FARS2: variants seen among roughly 807,000 people sequenced by gnomAD.
The protein encoded by FARS2 is phenylalanine--tRNA ligase, mitochondrial.
FARS2 carries 40 observed loss-of-function variants against 46.4 expected under a neutral mutation model. The ratio of observed to expected loss-of-function variants is 0.86; its 90% CI spans 0.67 to 1.12. The LOEUF is 1.12. Ranked by LOEUF, FARS2 falls within the 50% of genes most tolerant of loss-of-function variation. FARS2 has a pLI of 0.00. For synonymous variants in FARS2, 234 were observed against 214.9 expected, an observed-to-expected ratio of 1.09 and a Z score of -0.78; for missense variants, 513 against 567.9, an observed-to-expected ratio of 0.90 and a Z score of 0.98.
rs1762633139 is a variant in FARS2, at chr6:5,764,145, A to G, written c.1218-7146A>G. On this transcript the variant is annotated intron_variant, in intron 6 of 6. Transcript: ENST00000274680. This position sits in a 1 kb window ranked among gnomAD's most constrained non-coding sequence, Gnocchi z 4.1. The stretch of plus-strand genomic sequence containing the variant: ...ACACGCCCCCTCATTCAGTCCTCAC[A>G]AACCCTGGAAAGCAAGTTTTGTTCG... 6.6e-6 allele frequency among the ~76,000 whole-genome samples: 1 copy of G among 152,140 alleles called. No individual in the cohort carries two copies. The highest frequency in any genetic ancestry group is 6.5e-5 in the Admixed American group (1 of 15,286).
At chr6:5,738,169 C>G (rs1366251614) in intron 6 of FARS2, among the ~76,000 whole-genome samples, 1 of 152,174 alleles carries the variant, frequency 6.6e-6, no homozygotes, top group Admixed American at 6.5e-5. Flanking sequence ...CCAAGCTGGT[C>G]TCAAACTCCA....
upstream of FARS2, chr6:5,260,582 C>T (rs1299587042): frequency 1.4e-6 from 2 of 1,392,794 alleles, no homozygotes; most frequent in Non-Finnish European, 1.9e-6. Context: ...TATTCCGCGT[C>T]AGCCCGCACC....
chr6:5,365,480 C>T (rs1758608103), intron 1 of FARS2, among the ~76,000 whole-genome samples: 3 of 148,842 alleles, frequency 2.0e-5, no homozygotes, highest in African/African-American at 2.5e-5. Flanking sequence ...CAGGTGTGTG[C>T]CACCATACCC....
rs538744186 is a variant in FARS2 at position 5,277,314 on chromosome 6, T to A, written c.-22+15654T>A. Among the ~76,000 whole-genome samples, 6 of 152,204 alleles carry A rather than the reference T, an allele frequency of 3.9e-5. No homozygotes were observed. The East Asian group carries it at 1.2e-3, about 29-fold the overall frequency. On this transcript the variant is annotated intron_variant, in intron 1 of 6. Transcript: ENST00000274680. Reference sequence around the variant, plus strand: ...CATTAAATAAAGTAGCAGCTTAGAATGGCAAAATGGTTGGTTTTTTAAACA... The same window carrying A: ...CATTAAATAAAGTAGCAGCTTAGAAAGGCAAAATGGTTGGTTTTTTAAACA...
chr6:5,300,653 G>T (rs1311349882), intron 1 of FARS2, among the ~76,000 whole-genome samples: 4 of 151,856 alleles, frequency 2.6e-5, no homozygotes. Flanking sequence ...TGGGCATCTG[G>T]TCATTTCCTT....
At chr6:5,668,491 T>C (rs1045739996) in intron 6 of FARS2, among the ~76,000 whole-genome samples, 6 of 152,228 alleles carry the variant, frequency 3.9e-5, no homozygotes, top group Non-Finnish European at 7.3e-5. Context: ...AGTGAATTCC[T>C]GAACTTCATT....
chr6:5,735,070 A>G (rs775148462), intron 6 of FARS2, among the ~76,000 whole-genome samples: 5 of 152,238 alleles, frequency 3.3e-5, no homozygotes, highest in Non-Finnish European at 5.9e-5. Context: ...AATGCAAAAC[A>G]GTATTATTAG....
At chr6:5,260,889 T>A (rs1031817287), upstream of FARS2, 3 of 1,402,788 alleles carry the variant, frequency 2.1e-6, no homozygotes, top group South Asian at 4.6e-5. Flanking sequence ...CGGGCAGCCC[T>A]GCGGATCGCG....
intron 4 of FARS2, chr6:5,431,670 C>T (rs201353025): frequency 4.5e-5 from 24 of 532,916 alleles, no homozygotes; most frequent in Middle Eastern, 3.2e-4. Flanking sequence ...TCTGCATAGG[C>T]GGCGCCACCT....
At chr6:5,723,347 T>C (rs899110169) in intron 6 of FARS2, among the ~76,000 whole-genome samples, 6 of 152,038 alleles carry the variant, frequency 3.9e-5, no homozygotes, top group African/African-American at 7.3e-5. Flanking sequence ...ATTGCAAATA[T>C]CAAGTGTAGT....
At chr6:5,718,336 G>A (rs1392270980) in intron 6 of FARS2, among the ~76,000 whole-genome samples, 1 of 152,204 alleles carries the variant, frequency 6.6e-6, no homozygotes, top group Non-Finnish European at 1.5e-5. Flanking sequence ...CTAGTTCTCA[G>A]TGCCCACCCA....
At chr6:5,431,924 G>T (rs966128426) in intron 4 of FARS2, 19 of 188,134 alleles carry the variant, frequency 1.0e-4, no homozygotes, top group Non-Finnish European at 1.6e-4. Context: ...TTTTTTTTAA[G>T]TCACTATCTG....
intron 6 of FARS2, among the ~76,000 whole-genome samples, chr6:5,688,448 A>G (rs1267053368): frequency 6.6e-6 from 1 of 152,176 alleles, no homozygotes; most frequent in African/African-American, 2.4e-5. Context: ...TTCTGCATCT[A>G]TTGAGATAAT....
At chr6:5,610,228 T>A in intron 5 of FARS2, 1 of 545,202 alleles carries the variant, frequency 1.8e-6, no homozygotes, top group Non-Finnish European at 3.3e-6. Flanking sequence ...ACTTTAATGA[T>A]GTTTTTTCAG....
intron 1 of FARS2, among the ~76,000 whole-genome samples, chr6:5,262,573 C>T (rs1581634980): frequency 6.6e-6 from 1 of 152,130 alleles, no homozygotes; most frequent in Non-Finnish European, 1.5e-5. Context: ...GTCATCACGC[C>T]CAGCCTCTAT....
At chr6:5,512,957 G>C (rs116461505) in intron 4 of FARS2, among the ~76,000 whole-genome samples, 5 of 152,110 alleles carry the variant, frequency 3.3e-5, no homozygotes, top group Non-Finnish European at 7.3e-5. Flanking sequence ...TGGGGACCCT[G>C]GATAGGTTTG....
At chr6:5,389,031 C>T (rs2127685301) in intron 2 of FARS2, among the ~76,000 whole-genome samples, 1 of 152,240 alleles carries the variant, frequency 6.6e-6, no homozygotes, top group East Asian at 1.9e-4. Context: ...CCCTCACATC[C>T]ACAGATGTCA....
At chr6:5,521,371 GA>G (rs71657436) in intron 4 of FARS2, among the ~76,000 whole-genome samples, 17,940 of 123,992 alleles carry the variant, frequency 0.14, 1,112 homozygotes, top group East Asian at 0.24. Context: ...TTTCTACTAA[GA>G]AAAAAAAAAA....
chr6:5,697,536 T>C (rs1214655272), intron 6 of FARS2, among the ~76,000 whole-genome samples: 2 of 152,208 alleles, frequency 1.3e-5, no homozygotes, highest in Non-Finnish European at 1.5e-5. Context: ...GAGTATCCAA[T>C]GCAATACTCT....
Sources: gnomAD v4.1 joint callset for allele counts (sites outside exome capture counted in the v4.1 genomes callset) on GRCh38, gnomAD v4.1.1 for gene constraint, Gnocchi (gnomAD v3.1) non-coding constraint, MANE v1.5 for transcripts, NCBI Gene and HGNC (gene_info 2026-07-23, HGNC 2026-07-21) for gene names.